Variants in NFILZ observed in about 807,000 individuals in gnomAD.
NFILZ encodes the protein NFIL3 like protein.
intron 3 of NFILZ, among the ~76,000 whole-genome samples, chr19:8,638,222 C>T (rs1200031706): frequency 1.3e-5 from 2 of 152,192 alleles, no homozygotes; most frequent in African/African-American, 2.4e-5. Flanking sequence ...CTAAGCCAGG[C>T]GTCACACGCT....
At chr19:8,636,532 C>T (rs1264242372) in intron 3 of NFILZ, among the ~76,000 whole-genome samples, 1 of 148,448 alleles carries the variant, frequency 6.7e-6, no homozygotes, top group Non-Finnish European at 1.5e-5. Context: ...GCAACCTCTG[C>T]CTCCTGGGTT....
intron 3 of NFILZ, among the ~76,000 whole-genome samples, chr19:8,661,313 C>T (rs1157388484): frequency 6.6e-6 from 1 of 151,670 alleles, no homozygotes; most frequent in Non-Finnish European, 1.5e-5. Context: ...CAGGCATGCA[C>T]CACCACGCCT....
rs572513690 is a variant in NFILZ, at chr19:8,631,962, C to T, written c.-410-514C>T. On this transcript the variant is annotated intron_variant, in intron 1 of 5. Transcript: ENST00000691075. ...TCAGCTCACTGCAACCTCTGCCTCC[C>T]GGGTTCAAGCAATTCTTTCGTCTCA... Among the ~76,000 whole-genome samples the T allele has an allele frequency of 2.6e-3, 397 of 151,986 alleles. 4 individuals are homozygous for T. The highest frequency in any genetic ancestry group is 8.8e-3 in the African/African-American group (363 of 41,460).
intron 3 of NFILZ, among the ~76,000 whole-genome samples, chr19:8,651,976 C>T (rs1555747751): frequency 6.6e-6 from 1 of 152,128 alleles, no homozygotes; most frequent in Non-Finnish European, 1.5e-5. Context: ...CTCTAAACCT[C>T]ATGATAGTAT....
At position 8,679,356 on chromosome 19, in the gene NFILZ, T is replaced by C. The variant is rs782031145; in HGVS notation, c.*1721T>C. 6.6e-6 allele frequency among the ~76,000 whole-genome samples: 1 copy of C among 151,766 alleles called. No homozygotes were observed. The highest frequency in any genetic ancestry group is 1.5e-5 in the Non-Finnish European group (1 of 67,986). On this transcript the variant is annotated 3_prime_UTR_variant, in exon 6 of 6. Coordinates refer to ENST00000691075, the MANE Select transcript of NFILZ (RefSeq NM_001378600.1). ...GATAAAAATACTCAAACTCCAATCA[T>C]GGGGAGAGCTCATGGGATGGGGGGC... is the stretch of plus-strand genomic sequence containing the variant.
At chr19:8,658,354 G>A (rs1396055619) in intron 3 of NFILZ, among the ~76,000 whole-genome samples, 1 of 152,046 alleles carries the variant, frequency 6.6e-6, no homozygotes, top group Non-Finnish European at 1.5e-5. Context: ...CTTTTGTCTT[G>A]GGGGGCTGCG....
At position 8,657,190 on chromosome 19, in the gene NFILZ, G is replaced by A. The variant is rs148765833; in HGVS notation, c.-163-17361G>A. On this transcript the variant is annotated intron_variant, in intron 3 of 5. Coordinates refer to ENST00000691075, the MANE Select transcript of NFILZ (RefSeq NM_001378600.1). ...AGACGGAGTCTCACTCTGTCACCAGGCTGGAGTACAGTGGTATGATCTCGG... is the reference window on the plus strand; with the variant it reads ...AGACGGAGTCTCACTCTGTCACCAGACTGGAGTACAGTGGTATGATCTCGG... Among the ~76,000 whole-genome samples the A allele has an allele frequency of 1.0e-3, 156 of 151,968 alleles. 1 individual carries two copies. Among genetic ancestry groups the A allele is most frequent in the Middle Eastern group, 3.4e-3 (1 of 294 alleles).
At chr19:8,661,883 T>C (rs2043033429) in intron 3 of NFILZ, among the ~76,000 whole-genome samples, 1 of 151,940 alleles carries the variant, frequency 6.6e-6, no homozygotes, top group Non-Finnish European at 1.5e-5. Context: ...AGATTCTGTC[T>C]CAAAACACAA....
At chr19:8,659,137 C>G (rs2043018317) in intron 3 of NFILZ, among the ~76,000 whole-genome samples, 2 of 150,940 alleles carry the variant, frequency 1.3e-5, no homozygotes, top group Admixed American at 1.3e-4. Flanking sequence ...ATCCCAGCTA[C>G]TCGGGAGGCT....
chr19:8,675,794 G>A (rs78306575), intron 4 of NFILZ, among the ~76,000 whole-genome samples: 1 of 152,282 alleles, frequency 6.6e-6, no homozygotes, highest in East Asian at 1.9e-4. Context: ...TTGGTTGGAT[G>A]AATGGATGGA....
chr19:8,638,555 TC>T (rs1555746332), intron 3 of NFILZ: 1 of 152,188 alleles, frequency 6.6e-6, no homozygotes, highest in Non-Finnish European at 1.5e-5. Context: ...CAGGCTCCAT[TC>T]CAAGCACTGG....
chr19:8,646,036 T>C (rs982243262), intron 3 of NFILZ, among the ~76,000 whole-genome samples: 2 of 151,996 alleles, frequency 1.3e-5, no homozygotes, highest in Admixed American at 1.3e-4. Flanking sequence ...CCCTTATTTT[T>C]TTTTCTTTTT....
rs1183750509 is a variant in NFILZ, at chr19:8,635,309, C to CA, written c.-260-328dup. Among the ~76,000 whole-genome samples the CA allele has an allele frequency of 7.9e-3, 517 of 65,750 alleles. 1 individual carries two copies. The highest frequency in any genetic ancestry group is 0.013 in the Non-Finnish European group (401 of 31,996). The allele number at this position is 65,750 out of a possible 152,430, so 43.1% of individuals were successfully genotyped here. On this transcript the variant is annotated intron_variant, in intron 2 of 5. Transcript: ENST00000691075. ...TGGGCAACAGAGCAAGACTCCATCT[C>CA]AAAAAAAAAAAAATTAAAAAAAAAA...
At chr19:8,639,959 G>T (rs1430726405) in intron 3 of NFILZ, among the ~76,000 whole-genome samples, 1 of 152,116 alleles carries the variant, frequency 6.6e-6, no homozygotes, top group Non-Finnish European at 1.5e-5. Context: ...TTTTGGCTGG[G>T]TCCCGGCTCT....
chr19:8,655,650 G>A (rs1426458149), intron 3 of NFILZ, among the ~76,000 whole-genome samples: 1 of 152,102 alleles, frequency 6.6e-6, no homozygotes, highest in African/African-American at 2.4e-5. Flanking sequence ...ATGCTGGGCT[G>A]GCCCGTTCAG....
chr19:8,673,796 AG>A (rs2043098983), intron 3 of NFILZ, among the ~76,000 whole-genome samples: 1 of 151,996 alleles, frequency 6.6e-6, no homozygotes, highest in Non-Finnish European at 1.5e-5. Context: ...AGTAGCTAGG[AG>A]TTCTTGTTGA....
chr19:8,643,269 A>G (rs1235985235), intron 3 of NFILZ, among the ~76,000 whole-genome samples: 2 of 152,214 alleles, frequency 1.3e-5, no homozygotes, highest in East Asian at 1.9e-4. Flanking sequence ...GACTCTAAAG[A>G]TATGTTTTCA....
chr19:8,646,256 C>T (rs1440646050), intron 3 of NFILZ, among the ~76,000 whole-genome samples: 8 of 152,106 alleles, frequency 5.3e-5, no homozygotes, highest in Non-Finnish European at 1.2e-4. Context: ...AGGCTAGTCT[C>T]GAACTCCTGA....
intron 3 of NFILZ, among the ~76,000 whole-genome samples, chr19:8,658,363 C>T (rs543182636): frequency 6.6e-5 from 10 of 152,180 alleles, no homozygotes; most frequent in South Asian, 4.1e-4. Flanking sequence ...TGGGGGGCTG[C>T]GTTGTGCATT....
Sources: allele counts gnomAD v4.1 joint callset (sites outside exome capture counted in the v4.1 genomes callset), GRCh38; gene constraint gnomAD v4.1.1; transcripts MANE v1.5; gene names NCBI Gene and HGNC (gene_info 2026-07-23, HGNC 2026-07-21).